The following STK3 variants were observed in gnomAD, a reference collection of about 807,000 sequenced individuals.
STK3 encodes serine/threonine-protein kinase 3.
In STK3, 41 loss-of-function variants were observed where a neutral mutation model predicts 58.0. The ratio of observed to expected loss-of-function variants is 0.71; its 90% confidence interval spans 0.55 to 0.92. The LOEUF is 0.92. Among genes scored for constraint, STK3 ranks in the 40% least tolerant of loss-of-function variants. The pLI, the probability that STK3 is intolerant of heterozygous loss-of-function variation, is 0.00. For missense variants in STK3, 479 were observed against 602.7 expected, an observed-to-expected ratio of 0.79 and a Z score of 2.15; for synonymous variants, 170 against 191.0, an observed-to-expected ratio of 0.89 and a Z score of 0.91.
Position 98,596,967 on chromosome 8 carries a change from GA to G in STK3, c.685-799del, listed in dbSNP as rs771680916. On this transcript the variant is annotated intron_variant, in intron 6 of 10. Transcript: ENST00000419617. ...GGGGTTAATGTAGATGTCCCAACAT[GA>G]GTAATAAAATGTTCAAACTAGAATA... is the stretch of plus-strand genomic sequence containing the variant. 2.0e-3 allele frequency among the ~76,000 whole-genome samples: 302 copies of G among 152,132 alleles called. 7 individuals carry two copies. Among genetic ancestry groups the G allele is most frequent in the Non-Finnish European group, 1.3e-3 (87 of 67,978 alleles).
At chr8:98,793,629 T>C (rs1564006935) in intron 1 of STK3, among the ~76,000 whole-genome samples, 1 of 152,180 alleles carries the variant, frequency 6.6e-6, no homozygotes, top group East Asian at 1.9e-4. Context: ...TGCATTAGCC[T>C]GACCACTGAG....
At chr8:98,907,529 C>A (rs957707198) in intron 1 of STK3, among the ~76,000 whole-genome samples, 11 of 152,006 alleles carry the variant, frequency 7.2e-5, no homozygotes, top group Admixed American at 1.3e-4. Flanking sequence ...AACAAACAAA[C>A]AAAAAAATAA....
chr8:98,647,629 T>G (rs555878635), intron 6 of STK3, among the ~76,000 whole-genome samples: 5 of 152,300 alleles, frequency 3.3e-5, no homozygotes, highest in African/African-American at 9.6e-5. Flanking sequence ...CACTGCAACC[T>G]CAGCCTCTCA....
At chr8:98,539,035 T>A (rs1810013506) in intron 9 of STK3, among the ~76,000 whole-genome samples, 1 of 152,342 alleles carries the variant, frequency 6.6e-6, no homozygotes, top group Non-Finnish European at 1.5e-5. Flanking sequence ...CCGGGCAACA[T>A]TAACCTCCTA....
intron 3 of STK3, among the ~76,000 whole-genome samples, chr8:98,848,598 T>C (rs73277876): frequency 0.018 from 2,736 of 152,332 alleles, 77 homozygotes; most frequent in African/African-American, 0.063. Context: ...AATGGAATCA[T>C]ATAAAATGTG....
At position 98,868,180 on chromosome 8, in the gene STK3, TA is replaced by T. The variant is rs1039097935; in HGVS notation, c.110+15466del. Among the ~76,000 whole-genome samples the T allele has an allele frequency of 2.6e-5, 4 of 152,108 alleles. No individual in the cohort carries two copies. The East Asian group carries it at 7.7e-4, about 29-fold the overall frequency. On this transcript the variant is annotated intron_variant, in intron 3 of 12. Coordinates refer to the STK3 transcript ENST00000523601. ...AGGCAGAATAAATAAAAGAAAACTTTAAAAAAACAGCTCCTTATTGTCTGCC... is the reference window on the plus strand; with the variant it reads ...AGGCAGAATAAATAAAAGAAAACTTTAAAAAACAGCTCCTTATTGTCTGCC...
At chr8:98,462,305 GGATA>G (rs1820054595) in intron 10 of STK3, among the ~76,000 whole-genome samples, 1 of 151,974 alleles carries the variant, frequency 6.6e-6, no homozygotes, top group Non-Finnish European at 1.5e-5. Context: ...AAATATGAAT[GGATA>G]AAGAAAATAT....
chr8:98,885,576 A>G (rs938912315), intron 1 of STK3, among the ~76,000 whole-genome samples: 3 of 152,094 alleles, frequency 2.0e-5, no homozygotes, highest in African/African-American at 7.2e-5. Flanking sequence ...AGTAGCTGGG[A>G]TTACAGGCAT....
intron 7 of STK3, among the ~76,000 whole-genome samples, chr8:98,586,676 C>T (rs1361337345): frequency 2.6e-5 from 4 of 151,720 alleles, no homozygotes; most frequent in Admixed American, 6.6e-5. Context: ...GGAATGGTAC[C>T]AGTTCCTCCT....
At chr8:98,712,875 T>A (rs1473023589) in intron 4 of STK3, among the ~76,000 whole-genome samples, 1 of 151,588 alleles carries the variant, frequency 6.6e-6, no homozygotes. Context: ...ATTGACCACA[T>A]AGTTGGAAGT....
intron 6 of STK3, among the ~76,000 whole-genome samples, chr8:98,696,706 C>G (rs1271794996): frequency 1.1e-4 from 16 of 152,136 alleles, no homozygotes; most frequent in Non-Finnish European, 1.6e-4. Context: ...AGGGATGAAG[C>G]CCACTTGATC....
intron 1 of STK3, among the ~76,000 whole-genome samples, chr8:98,790,983 CAAA>C (rs749265270): frequency 1.9e-5 from 2 of 106,302 alleles, no homozygotes; most frequent in Admixed American, 9.8e-5. Context: ...GACTCCGTCT[CAAA>C]AAAAAAAAAA....
At chr8:98,867,990 C>T (rs746585915) in intron 3 of STK3, among the ~76,000 whole-genome samples, 9 of 152,062 alleles carry the variant, frequency 5.9e-5, no homozygotes, top group Non-Finnish European at 8.8e-5. Flanking sequence ...AAGAATGATG[C>T]CTGTCTCTGA....
the STK3 span, among the ~76,000 whole-genome samples, chr8:98,360,101 G>C: frequency 0.32 from 48,464 of 152,054 alleles, 7,848 homozygotes; most frequent in Middle Eastern, 0.5. Flanking sequence ...CCTCTTTGCT[G>C]TATCCCTGTA....
chr8:98,502,871 T>G (rs142627508), intron 10 of STK3, among the ~76,000 whole-genome samples: 4,571 of 152,258 alleles, frequency 0.03, 105 homozygotes, highest in South Asian at 0.062. Flanking sequence ...TTCTCTTTTT[T>G]TGTGTGTCTC....
At chr8:98,719,960 G>A (rs376471128) in intron 4 of STK3, among the ~76,000 whole-genome samples, 12 of 152,116 alleles carry the variant, frequency 7.9e-5, no homozygotes, top group Admixed American at 5.9e-4. Flanking sequence ...CTTCCCATTC[G>A]CTTCATATCC....
At chr8:98,751,219 A>G (rs2131364058) in intron 3 of STK3, among the ~76,000 whole-genome samples, 1 of 152,306 alleles carries the variant, frequency 6.6e-6, no homozygotes, top group African/African-American at 2.4e-5. Context: ...CTCTCTCACC[A>G]TTCCTGTTTA....
In STK3 at chr8:98,455,785, C is replaced by A. The variant is rs1586601014; in HGVS notation, c.*57G>T. ...GATTAAAAATATCCAAATATTCCTT[C>A]AATTCCTAGTGGTTTCTTGGTCTCC... On this transcript the variant is annotated 3_prime_UTR_variant, in exon 11 of 11. Coordinates refer to ENST00000419617, the MANE Select transcript of STK3 (RefSeq NM_006281.4). 2.1e-5 allele frequency: 33 copies of A among 1,590,074 alleles called. No individual in the cohort carries two copies. The highest frequency in any genetic ancestry group is 2.7e-5 in the Non-Finnish European group (32 of 1,166,648).
intron 3 of STK3, among the ~76,000 whole-genome samples, chr8:98,860,587 T>C (rs1042210845): frequency 4.6e-5 from 7 of 152,208 alleles, no homozygotes; most frequent in African/African-American, 1.7e-4. Context: ...TGTCAGTAAG[T>C]ACATGATAAC....
Sources: allele counts gnomAD v4.1 joint callset (sites outside exome capture counted in the v4.1 genomes callset), GRCh38; gene constraint gnomAD v4.1.1; transcripts MANE v1.5; gene names NCBI Gene and HGNC (gene_info 2026-07-23, HGNC 2026-07-21).